SORCS2: variants seen among roughly 807,000 people sequenced by gnomAD.
SORCS2 encodes the protein sortilin related VPS10 domain containing receptor 2, also known as VPS10 domain-containing receptor SorCS2.
In SORCS2, 100 loss-of-function variants were observed where a neutral mutation model predicts 141.6. The observed-to-expected ratio is 0.71, with a 90% CI of 0.60 to 0.83. SORCS2 has a LOEUF of 0.83. SORCS2 is among the 40% of genes least tolerant of loss of function. SORCS2 has a pLI of 0.00. For missense variants in SORCS2, 1,646 were observed against 1,560.2 expected (o/e 1.05, Z -0.93); for synonymous variants, 789 against 676.9 (o/e 1.17, Z -2.57).
At chr4:7,739,577 G>C (rs1712479878) in intron 26 of SORCS2, among the ~76,000 whole-genome samples, 1 of 152,182 alleles carries the variant, frequency 6.6e-6, no homozygotes, top group Non-Finnish European at 1.5e-5. Context: ...TCACGTTAGA[G>C]ATGAAGAAGC....
chr4:7,543,707 TCCACCCATCCAC>T (rs745436664), intron 3 of SORCS2, among the ~76,000 whole-genome samples: 29,749 of 49,206 alleles, frequency 0.6, 6,920 homozygotes, highest in East Asian at 0.71. Context: ...CATCCATCCA[TCCACCCATCCAC>T]CCATCCACCC....
At chr4:7,739,176 G>A (rs546447930) in intron 26 of SORCS2, among the ~76,000 whole-genome samples, 89 of 152,184 alleles carry the variant, frequency 5.8e-4, no homozygotes, top group Non-Finnish European at 1.1e-3. Context: ...AGGTGGAGCC[G>A]GGCTCAAGCC....
At chr4:7,401,582 C>A (rs925682336) in intron 2 of SORCS2, among the ~76,000 whole-genome samples, 1 of 152,224 alleles carries the variant, frequency 6.6e-6, no homozygotes. Flanking sequence ...TATGTCCTGC[C>A]TCCTGCTGTG....
chr4:7,636,151 C>G (rs1050183293), intron 3 of SORCS2, among the ~76,000 whole-genome samples: 1 of 152,060 alleles, frequency 6.6e-6, no homozygotes, highest in African/African-American at 2.4e-5. Flanking sequence ...CTTAAATGCC[C>G]CATTCTGCGT....
chr4:7,420,076 C>G (rs1725937643), intron 2 of SORCS2, among the ~76,000 whole-genome samples: 1 of 152,208 alleles, frequency 6.6e-6, no homozygotes, highest in African/African-American at 2.4e-5. Context: ...GGATTATACA[C>G]AGAGGACTTC....
chr4:7,724,684 ATGGTGG>A (rs1172104592), intron 19 of SORCS2, among the ~76,000 whole-genome samples: 1 of 87,206 alleles, frequency 1.1e-5, no homozygotes, highest in Non-Finnish European at 2.4e-5. Flanking sequence ...GGTAGTGGTG[ATGGTGG>A]TGGTGTTGGT....
At chr4:7,538,619 C>A (rs964914925) in intron 3 of SORCS2, among the ~76,000 whole-genome samples, 1 of 143,382 alleles carries the variant, frequency 7.0e-6, no homozygotes, top group African/African-American at 2.8e-5. Context: ...ACATTTTCAC[C>A]AAAAAATCTT....
intron 1 of SORCS2, among the ~76,000 whole-genome samples, chr4:7,345,506 T>A (rs1720605007): frequency 1.3e-5 from 2 of 152,178 alleles, no homozygotes; most frequent in African/African-American, 2.4e-5. Context: ...TCTTCCAGGC[T>A]ATTTTGCTGA....
At chr4:7,294,651 CTCTCCCTCT>C (rs1716835041) in intron 1 of SORCS2, among the ~76,000 whole-genome samples, 1 of 144,066 alleles carries the variant, frequency 6.9e-6, no homozygotes, top group Non-Finnish European at 1.5e-5. Flanking sequence ...TTTCCTCCCC[CTCTCCCTCT>C]TCCTCTCCCT....
In SORCS2 at chr4:7,192,942, G is replaced by GTCCCGC; in HGVS notation, c.300_305dup (p.Ala101_Pro102dup). On this transcript the variant is annotated inframe_insertion, in exon 1 of 27. Transcript: ENST00000507866. The surrounding 1 kb of genome is among the most constrained non-coding windows in gnomAD (Gnocchi z 4.0). ...CCAGGCGCCCCGGGTCCGAGTCCCGGTCCCGCTCCTGGTCCCGGCGAGGAC... is the reference window on the plus strand; with the variant it reads ...CCAGGCGCCCCGGGTCCGAGTCCCGGTCCCGCTCCCGCTCCTGGTCCCGGCGAGGAC... The GTCCCGC allele has an allele frequency of 7.6e-7, 1 of 1,309,976 alleles. No homozygotes were observed. The highest frequency in any genetic ancestry group is 9.7e-7 in the Non-Finnish European group (1 of 1,036,186). The allele number at this position is 1,309,976 out of a possible 1,614,324, so 81.1% of individuals were successfully genotyped here. A position where few individuals can be genotyped will look rare whatever the true frequency, so the allele number is the denominator to read the frequency against.
chr4:7,521,614 C>T (rs959295405), intron 2 of SORCS2, among the ~76,000 whole-genome samples: 5 of 152,222 alleles, frequency 3.3e-5, no homozygotes, highest in African/African-American at 9.6e-5. Context: ...TCTCACAGCA[C>T]AGACCTAGCC....
intron 3 of SORCS2, among the ~76,000 whole-genome samples, chr4:7,615,036 T>C (rs9799509): frequency 0.99 from 150,688 of 152,262 alleles, 74,594 homozygotes; most frequent in East Asian, 1. Flanking sequence ...CATCCATTTA[T>C]TCATCCATCC....
chr4:7,731,112 C>A (rs775637408), intron 23 of SORCS2, among the ~76,000 whole-genome samples: 35 of 152,206 alleles, frequency 2.3e-4, no homozygotes, highest in Non-Finnish European at 4.7e-4. Flanking sequence ...CTTCTACACA[C>A]TAACAGCAAG....
intron 3 of SORCS2, among the ~76,000 whole-genome samples, chr4:7,591,492 G>A (rs1180881278): frequency 1.3e-5 from 2 of 152,126 alleles, no homozygotes; most frequent in African/African-American, 4.8e-5. Flanking sequence ...CTGGCAGGCT[G>A]GTGGGGCCTG....
intron 11 of SORCS2, among the ~76,000 whole-genome samples, chr4:7,695,484 G>A (rs1577083560): frequency 2.4e-5 from 1 of 40,950 alleles, no homozygotes. Context: ...GGATGGGTGA[G>A]TGGATGGGTG....
chr4:7,366,111 T>G (rs1312821128), intron 1 of SORCS2, among the ~76,000 whole-genome samples: 1 of 151,328 alleles, frequency 6.6e-6, no homozygotes, highest in East Asian at 1.9e-4. Flanking sequence ...GGGTGGGGGG[T>G]GGTGGCACAG....
intron 5 of SORCS2, among the ~76,000 whole-genome samples, chr4:7,655,202 TAC>T (rs144046004): frequency 0.037 from 5,466 of 147,180 alleles, 264 homozygotes; most frequent in African/African-American, 0.12. Flanking sequence ...CTTGTGCGTG[TAC>T]ACACACACAC....
intron 3 of SORCS2, among the ~76,000 whole-genome samples, chr4:7,620,934 C>A (rs1577852025): frequency 6.6e-6 from 1 of 152,268 alleles, no homozygotes; most frequent in Non-Finnish European, 1.5e-5. Context: ...CCCCGAGTGC[C>A]CCCCAAGTGC....
At chr4:7,729,816 G>T (rs527726045) in intron 23 of SORCS2, 104 bp downstream of exon 23, 2 of 1,461,156 alleles carry the variant, frequency 1.4e-6, no homozygotes, top group Non-Finnish European at 1.8e-6. Flanking sequence ...GCATAAAGGC[G>T]TCTTTCTCGC....
Sources: gnomAD v4.1 joint callset for allele counts (sites outside exome capture counted in the v4.1 genomes callset) on GRCh38, gnomAD v4.1.1 for gene constraint, Gnocchi (gnomAD v3.1) non-coding constraint, MANE v1.5 for transcripts, NCBI Gene and HGNC (gene_info 2026-07-23, HGNC 2026-07-21) for gene names.